The following RIMKLB variants were observed in gnomAD, a reference collection of about 807,000 sequenced individuals.
RIMKLB encodes ribosomal modification protein rimK like family member B.
RIMKLB carries 7 observed loss-of-function variants against 32.0 expected under a neutral mutation model. The observed-to-expected ratio is 0.22, with a 90% confidence interval of 0.12 to 0.41. RIMKLB has a LOEUF of 0.41. Ranked by LOEUF, RIMKLB falls within the 10% of genes least tolerant of loss-of-function variation. The pLI is 1.00. For missense variants in RIMKLB, 289 were observed against 498.7 expected, an observed-to-expected ratio of 0.58 and a Z score of 4.00; for synonymous variants, 172 against 185.1, an observed-to-expected ratio of 0.93 and a Z score of 0.57.
At chr12:8,762,140 GCATTCTC>G (rs1460174498) in intron 5 of RIMKLB, among the ~76,000 whole-genome samples, 1 of 152,174 alleles carries the variant, frequency 6.6e-6, no homozygotes, top group Non-Finnish European at 1.5e-5. Flanking sequence ...CTGGGAAGCT[GCATTCTC>G]CATAGAAGCT....
intron 5 of RIMKLB, among the ~76,000 whole-genome samples, chr12:8,767,573 G>A (rs1436951670): frequency 1.3e-5 from 2 of 152,142 alleles, no homozygotes; most frequent in Non-Finnish European, 2.9e-5. Flanking sequence ...AGAAGCTATG[G>A]GTCAGAAGGA....
intron 1 of RIMKLB, among the ~76,000 whole-genome samples, chr12:8,701,647 CTT>C (rs752751224): frequency 4.4e-4 from 55 of 124,600 alleles, no homozygotes; most frequent in East Asian, 9.4e-4. Context: ...GGCCTGATCT[CTT>C]TTTTTTTTTT....
At chr12:8,780,214 TAGG>T (rs1565441672), downstream of RIMKLB, 1 of 152,240 alleles carries the variant, frequency 6.6e-6, no homozygotes, top group Non-Finnish European at 1.5e-5. Context: ...TTAAAATTTG[TAGG>T]AGTTGTAGAC....
intron 2 of RIMKLB, among the ~76,000 whole-genome samples, chr12:8,738,807 G>A (rs1273179194): frequency 6.6e-6 from 1 of 152,176 alleles, no homozygotes; most frequent in Admixed American, 6.5e-5. Flanking sequence ...GATGGAAGAT[G>A]TTACAAAAAG....
chr12:8,674,854 G>C, the RIMKLB span, among the ~76,000 whole-genome samples: 3 of 145,038 alleles, frequency 2.1e-5, no homozygotes, highest in South Asian at 6.4e-4. Context: ...CCAGCCTTTT[G>C]TCACAATTCT....
Position 8,712,301 on chromosome 12 carries a change from A to C in RIMKLB, c.-56-1510A>C, listed in dbSNP as rs1310433033. 2.6e-5 allele frequency among the ~76,000 whole-genome samples: 4 copies of C among 152,054 alleles called. No homozygotes were observed. The East Asian group carries it at 7.7e-4, about 29-fold the overall frequency. ...TTAGCTAGGTATGGTGGCACATGCT[A>C]CTTGGGAGGCTGAGGCAGGATAATC... On this transcript the variant is annotated intron_variant, in intron 1 of 5. Transcript: ENST00000535829.
chr12:8,723,086 A>G (rs936525917), intron 2 of RIMKLB, among the ~76,000 whole-genome samples: 7 of 152,232 alleles, frequency 4.6e-5, no homozygotes, highest in Non-Finnish European at 8.8e-5. Flanking sequence ...CTTTGCATAT[A>G]CAACTTGTCT....
At chr12:8,741,632 T>A (rs1947538630) in intron 2 of RIMKLB, among the ~76,000 whole-genome samples, 1 of 150,798 alleles carries the variant, frequency 6.6e-6, no homozygotes, top group African/African-American at 2.5e-5. Context: ...TCCAAAAAAT[T>A]AGCCTGGCGT....
At chr12:8,716,431 C>CTTTTTTTTTT (rs11307521) in intron 2 of RIMKLB, among the ~76,000 whole-genome samples, 2 of 81,674 alleles carry the variant, frequency 2.4e-5, no homozygotes, top group Admixed American at 2.8e-4. Context: ...ATTAACATGT[C>CTTTTTTTTTT]TTTTTTTTTT....
chr12:8,692,714 G>A (rs1416129638), upstream of RIMKLB, among the ~76,000 whole-genome samples: 3 of 152,204 alleles, frequency 2.0e-5, no homozygotes, highest in East Asian at 5.8e-4. Flanking sequence ...AATGTGCTGA[G>A]ATGGAGCAGG....
At chr12:8,725,025 T>C (rs1424685633) in intron 2 of RIMKLB, among the ~76,000 whole-genome samples, 1 of 152,220 alleles carries the variant, frequency 6.6e-6, no homozygotes, top group African/African-American at 2.4e-5. Context: ...TTTTTAGCTC[T>C]GATAAATGTA....
At chr12:8,699,406 T>A (rs762914015) in intron 1 of RIMKLB, among the ~76,000 whole-genome samples, 47 of 152,214 alleles carry the variant, frequency 3.1e-4, no homozygotes, top group Non-Finnish European at 5.9e-4. Flanking sequence ...TCTTCTATTT[T>A]AAAAAATGAT....
At chr12:8,678,774 T>C (rs1349845066), upstream of RIMKLB, 1 of 152,208 alleles carries the variant, frequency 6.6e-6, no homozygotes, top group Non-Finnish European at 1.5e-5. Context: ...ATTTCCCTCA[T>C]TGTGGTCACT....
upstream of RIMKLB, among the ~76,000 whole-genome samples, chr12:8,697,523 T>C (rs1357801945): frequency 6.6e-6 from 1 of 151,630 alleles, no homozygotes; most frequent in Non-Finnish European, 1.5e-5. Flanking sequence ...AAGCAGGGAA[T>C]GTGAGGGCGG....
In RIMKLB at chr12:8,735,533, A is replaced by AT. The variant is rs761766239; in HGVS notation, c.176-14317dup. On this transcript the variant is annotated intron_variant, in intron 2 of 5. Transcript: ENST00000535829. ...GCGTGAGCCACTGTGCTCAGCCTAA[A>AT]TTTTTTTTTTTTAATGTAAATACCA... Among the ~76,000 whole-genome samples the AT allele has an allele frequency of 9.6e-3, 1,418 of 146,998 alleles. 6 individuals carry two copies. The highest frequency in any genetic ancestry group is 0.016 in the Admixed American group (233 of 14,684).
chr12:8,706,402 C>T (rs1285459085), intron 1 of RIMKLB, among the ~76,000 whole-genome samples: 1 of 150,324 alleles, frequency 6.7e-6, no homozygotes, highest in Non-Finnish European at 1.5e-5. Flanking sequence ...GCCTCGGCCT[C>T]CCAAAGTGCT....
At chr12:8,755,766 G>C (rs896900860) in intron 5 of RIMKLB, among the ~76,000 whole-genome samples, 4 of 152,092 alleles carry the variant, frequency 2.6e-5, no homozygotes, top group Non-Finnish European at 5.9e-5. Flanking sequence ...CCCAACACTT[G>C]GGGAGGCTGA....
rs1828031556 is a variant in RIMKLB at position 8,739,134 on chromosome 12, A to G, written c.176-10728A>G. 3.9e-5 allele frequency among the ~76,000 whole-genome samples: 6 copies of G among 152,318 alleles called. 1 individual carries two copies. In the South Asian group the frequency reaches 1.2e-3, roughly 32 times the overall value. On this transcript the variant is annotated intron_variant, in intron 2 of 5. Coordinates refer to ENST00000535829, the MANE Select transcript of RIMKLB (RefSeq NM_001297776.2). ...GCTATAACAAATTACCATAGACTGG[A>G]TAGCTTAAACAACAGAAATTGTTTC...
chr12:8,705,054 T>C (rs1300988608), intron 1 of RIMKLB, among the ~76,000 whole-genome samples: 1 of 151,888 alleles, frequency 6.6e-6, no homozygotes, highest in Admixed American at 6.6e-5. Flanking sequence ...GGTAAGTGTT[T>C]GGGGTATATA....
Sources: allele counts gnomAD v4.1 joint callset (sites outside exome capture counted in the v4.1 genomes callset), GRCh38; gene constraint gnomAD v4.1.1; transcripts MANE v1.5; gene names NCBI Gene and HGNC (gene_info 2026-07-23, HGNC 2026-07-21).